ABCC12: variants seen among roughly 807,000 people sequenced by gnomAD.
ABCC12 encodes the protein ATP-binding cassette sub-family C member 12.
ABCC12 carries 142 observed loss-of-function variants against 151.1 expected under a neutral mutation model. The ratio of observed to expected loss-of-function variants is 0.94; its 90% CI spans 0.82 to 1.08. ABCC12 has a LOEUF of 1.08. Among genes scored for constraint, ABCC12 ranks in the 50% least tolerant of loss-of-function variants. ABCC12 has a pLI of 0.00. For missense variants in ABCC12, 1,638 were observed against 1,691.1 expected (o/e 0.97, Z 0.55); for synonymous variants, 645 against 646.4 (o/e 1.00, Z 0.03).
chr16:48,105,916 G>C (rs190245298), intron 20 of ABCC12, among the ~76,000 whole-genome samples: 1 of 152,192 alleles, frequency 6.6e-6, no homozygotes, highest in Non-Finnish European at 1.5e-5. Context: ...CTTTGGTGGG[G>C]AGGAGGGTGC....
At chr16:48,119,325 T>C (rs1963992224) in intron 13 of ABCC12, among the ~76,000 whole-genome samples, 1 of 152,210 alleles carries the variant, frequency 6.6e-6, no homozygotes, top group African/African-American at 2.4e-5. Flanking sequence ...TATAGCCCAT[T>C]CCAGACTTGA....
At chr16:48,128,784 C>T in intron 10 of ABCC12, 47 bp from the exon 11 acceptor site, 3 of 1,579,820 alleles carry the variant, frequency 1.9e-6, no homozygotes, top group Middle Eastern at 3.4e-4. Flanking sequence ...CATCCATTTG[C>T]AAGAATCATC....
At chr16:48,105,005 C>G in intron 21 of ABCC12, 134 bp downstream of exon 21, 1 of 1,004,076 alleles carries the variant, frequency 1.0e-6, no homozygotes, top group Non-Finnish European at 1.5e-6. Context: ...GGAGACTCTT[C>G]CCAGACTAGA....
intron 11 of ABCC12, among the ~76,000 whole-genome samples, chr16:48,126,304 G>A (rs1964236292): frequency 6.6e-6 from 1 of 152,088 alleles, no homozygotes; most frequent in African/African-American, 2.4e-5. Flanking sequence ...ATTCATCCTT[G>A]TCTTTAGCAG....
intron 13 of ABCC12, among the ~76,000 whole-genome samples, chr16:48,118,228 G>A (rs969972027): frequency 1.2e-4 from 18 of 152,168 alleles, no homozygotes; most frequent in African/African-American, 4.3e-4. Context: ...ACCTAGGAAC[G>A]TCCGTGGTCA....
chr16:48,129,160 C>G (rs920089452), intron 10 of ABCC12, among the ~76,000 whole-genome samples: 1 of 152,244 alleles, frequency 6.6e-6, no homozygotes, highest in African/African-American at 2.4e-5. Flanking sequence ...TAAGCCCTAA[C>G]CATGTGCCAG....
intron 23 of ABCC12, among the ~76,000 whole-genome samples, chr16:48,097,457 A>C: frequency 6.6e-6 from 1 of 152,218 alleles, no homozygotes; most frequent in Non-Finnish European, 1.5e-5. Flanking sequence ...ACAATTGCTT[A>C]TAAAGCTGGG....
chr16:48,122,858 A>G (rs1180142004), intron 12 of ABCC12, among the ~76,000 whole-genome samples: 3 of 152,246 alleles, frequency 2.0e-5, no homozygotes, highest in Non-Finnish European at 4.4e-5. Context: ...TATTGCTTAC[A>G]TGATCTCATT....
intron 30 of ABCC12, 42 bp from the exon 31 acceptor site, chr16:48,083,843 C>G: frequency 6.2e-7 from 1 of 1,614,054 alleles, no homozygotes; most frequent in Non-Finnish European, 8.5e-7. Context: ...CGGAAAATAT[C>G]TACCCACTGT....
At position 48,082,393 on chromosome 16, in the gene ABCC12, T is replaced by C. The variant is rs761617100; in HGVS notation, c.*1322A>G. On this transcript the variant is annotated 3_prime_UTR_variant, in exon 31 of 31. Coordinates refer to ENST00000311303, the MANE Select transcript of ABCC12 (RefSeq NM_001393797.1). ...GAGGTTAACCTCACATGCCCAGCCCTTGAATTGCTGGCTGTTGGCTTTTTG... is the reference window on the plus strand; with the variant it reads ...GAGGTTAACCTCACATGCCCAGCCCCTGAATTGCTGGCTGTTGGCTTTTTG... Among the ~76,000 whole-genome samples, 6 of 152,262 alleles carry C rather than the reference T, an allele frequency of 3.9e-5. No homozygotes were observed. Among genetic ancestry groups the C allele is most frequent in the Non-Finnish European group, 7.3e-5 (5 of 68,046 alleles).
At chr16:48,089,522 G>A (rs1962789773) in intron 25 of ABCC12, among the ~76,000 whole-genome samples, 1 of 152,048 alleles carries the variant, frequency 6.6e-6, no homozygotes, top group Admixed American at 6.6e-5. Context: ...TTCATCACAA[G>A]AGCAGCCCCT....
chr16:48,085,693 G>A lies in ABCC12; in HGVS notation c.3728C>T (p.Pro1243Leu). The part of the protein sequence containing the change: ...TFMRDTIMKL[P>L]EKLQAEVTEN... ...TGTGACTTCTGCCTGTAATTTTTCT[G>A]GGAGTTTCATTATCTACAAAACACA... Residue 1243 changes from proline (P) to leucine (L), a missense_variant, in exon 29 of 31, where the codon CCA (proline) becomes CTA (leucine). Physicochemically the swap from Pro to Leu is moderately conservative, Grantham distance 98 (BLOSUM62 -3). Coordinates refer to ENST00000311303, the MANE Select transcript of ABCC12 (RefSeq NM_001393797.1). 6 of 1,613,856 alleles carry A rather than the reference G, an allele frequency of 3.7e-6. No homozygotes were observed. Among genetic ancestry groups the A allele is most frequent in the Non-Finnish European group, 5.1e-6 (6 of 1,179,818 alleles).
chr16:48,090,112 G>A (rs1405524808), intron 25 of ABCC12, among the ~76,000 whole-genome samples: 2 of 152,164 alleles, frequency 1.3e-5, no homozygotes, highest in Admixed American at 1.3e-4. Flanking sequence ...GCTAGAATTG[G>A]CTAGACTTCT....
chr16:48,145,553 T>C (rs1275686395), intron 3 of ABCC12, among the ~76,000 whole-genome samples: 2 of 152,222 alleles, frequency 1.3e-5, no homozygotes, highest in African/African-American at 4.8e-5. Context: ...ATAAGCTGGC[T>C]TGTGATCTGC....
intron 5 of ABCC12, 29 bp downstream of exon 5, chr16:48,141,177 A>G (rs1450404861): frequency 6.2e-7 from 1 of 1,609,224 alleles, no homozygotes; most frequent in Non-Finnish European, 8.5e-7. Context: ...GGGACCTAGC[A>G]GATGAGGAGG....
At chr16:48,097,540 G>T (rs946177042) in intron 23 of ABCC12, among the ~76,000 whole-genome samples, 34 of 152,134 alleles carry the variant, frequency 2.2e-4, no homozygotes, top group Admixed American at 6.5e-5. Flanking sequence ...GGCTTGGAGA[G>T]GGGGGAAGAA....
At chr16:48,145,613 G>C (rs923844308) in intron 3 of ABCC12, among the ~76,000 whole-genome samples, 1 of 152,224 alleles carries the variant, frequency 6.6e-6, no homozygotes, top group Non-Finnish European at 1.5e-5. Flanking sequence ...TTGCAAACCT[G>C]AATCTCAAGA....
chr16:48,121,974 T>G lies in ABCC12; in HGVS notation c.1588-134A>C, dbSNP rs1964085609. On this transcript the variant is annotated intron_variant, in intron 12 of 30. Coordinates refer to ENST00000311303, the MANE Select transcript of ABCC12 (RefSeq NM_001393797.1). Reference sequence around the variant, plus strand: ...GCACAAAAGCGTTGACAGGACATCTTGTCCATGCACCAGAAAGCCCAACCA... The same window carrying G: ...GCACAAAAGCGTTGACAGGACATCTGGTCCATGCACCAGAAAGCCCAACCA... 3.0e-6 allele frequency: 4 copies of G among 1,319,960 alleles called. No homozygotes were observed. In the South Asian group the frequency reaches 5.9e-5, roughly 19 times the overall value. 81.8% of individuals were successfully genotyped at this position (1,319,960 alleles called of 1,614,324 possible). A position where few individuals can be genotyped will look rare whatever the true frequency, so the allele number is the denominator to read the frequency against.
At chr16:48,141,489 C>G (rs1964814312) in intron 4 of ABCC12, 136 bp from the exon 5 acceptor site, 2 of 1,135,328 alleles carry the variant, frequency 1.8e-6, no homozygotes, top group Non-Finnish European at 1.2e-6. Context: ...AGCACTGGCT[C>G]AGCTTTCTGC....
Sources: allele counts gnomAD v4.1 joint callset (sites outside exome capture counted in the v4.1 genomes callset), GRCh38; gene constraint gnomAD v4.1.1; transcripts MANE v1.5; gene names NCBI Gene and HGNC (gene_info 2026-07-23, HGNC 2026-07-21).